ABCA12: variants seen among roughly 807,000 people sequenced by gnomAD.
ABCA12 encodes glucosylceramide transporter ABCA12.
Under a neutral mutation model 293.5 loss-of-function variants are expected in ABCA12, and 156 were observed. The observed-to-expected ratio is 0.53, with a 90% CI of 0.47 to 0.61. The LOEUF (loss-of-function observed/expected upper bound fraction) is 0.61, where lower values mean the gene tolerates loss of function less well. ABCA12 is among the 20% of genes least tolerant of loss of function. The pLI is 0.00. For synonymous variants in ABCA12, 1,063 were observed against 1,108.0 expected (o/e 0.96, Z 0.81); for missense variants, 2,797 against 3,090.2 (o/e 0.91, Z 2.25).
At chr2:214,959,406 A>G (rs1174294840) in intron 39 of ABCA12, among the ~76,000 whole-genome samples, 1 of 151,948 alleles carries the variant, frequency 6.6e-6, no homozygotes, top group African/African-American at 2.4e-5. Context: ...ATCTGGTCAT[A>G]TATATGTTTG....
intron 33 of ABCA12, 136 bp downstream of exon 33, chr2:214,978,180 C>T: frequency 9.9e-7 from 1 of 1,011,630 alleles, no homozygotes; most frequent in Non-Finnish European, 1.5e-6. Flanking sequence ...AAAAAGGAGG[C>T]TTAAATTTCC....
chr2:214,947,744 A>C (rs1698627859), intron 47 of ABCA12, 188 bp from the exon 48 acceptor site: 2 of 671,894 alleles, frequency 3.0e-6, no homozygotes, highest in Non-Finnish European at 4.9e-6. Context: ...TTAATAGTTT[A>C]TTTAAAGAGA....
chr2:214,996,880 C>T (rs1700046413), intron 23 of ABCA12, among the ~76,000 whole-genome samples: 1 of 152,048 alleles, frequency 6.6e-6, no homozygotes, highest in Non-Finnish European at 1.5e-5. Flanking sequence ...TTCAGCCAGG[C>T]CTTGCAATAA....
At position 214,970,415 on chromosome 2, in the gene ABCA12, T is replaced by C. The variant is rs201736002; in HGVS notation, c.5563-15A>G. 12 of 1,612,760 alleles carry C rather than the reference T, an allele frequency of 7.4e-6. No homozygotes were observed. The highest frequency in any genetic ancestry group is 2.2e-5 in the East Asian group (1 of 44,754). On this transcript the variant is annotated splice_polypyrimidine_tract_variant and intron_variant, in intron 36 of 52. Coordinates refer to ENST00000272895, the MANE Select transcript of ABCA12 (RefSeq NM_173076.3). ...TTAGGACATTCCTGGAAAATAAAGT[T>C]AAAAATGAATTTTTTTCTGGCCAAT... is the stretch of plus-strand genomic sequence containing the variant.
chr2:214,955,090 C>A, intron 43 of ABCA12, 112 bp downstream of exon 43: 1 of 1,371,528 alleles, frequency 7.3e-7, no homozygotes, highest in Non-Finnish European at 1.0e-6. Context: ...TCTCCTCTCC[C>A]AAATTTAATA....
intron 50 of ABCA12, among the ~76,000 whole-genome samples, chr2:214,942,135 G>T (rs1372867152): frequency 6.6e-6 from 1 of 152,112 alleles, no homozygotes; most frequent in Non-Finnish European, 1.5e-5. Context: ...GGTCATTGGA[G>T]ATTTGGTGTC....
At chr2:215,101,051 G>A (rs1356711590) in intron 2 of ABCA12, among the ~76,000 whole-genome samples, 1 of 152,080 alleles carries the variant, frequency 6.6e-6, no homozygotes, top group Non-Finnish European at 1.5e-5. Context: ...TCCTAAAAAC[G>A]TGTCTTCAAT....
In ABCA12 at chr2:214,932,612, GA is replaced by G; in HGVS notation, c.*21del. The G allele has an allele frequency of 4.5e-6, 7 of 1,554,668 alleles. No homozygotes were observed. Among genetic ancestry groups the G allele is most frequent in the Non-Finnish European group, 6.2e-6 (7 of 1,126,354 alleles). On this transcript the variant is annotated 3_prime_UTR_variant, in exon 53 of 53. Coordinates refer to ENST00000272895, the MANE Select transcript of ABCA12 (RefSeq NM_173076.3). The stretch of plus-strand genomic sequence containing the variant: ...AAAATGAAGCCATTGGTCACACGCT[GA>G]GATTGAGTTTGCTGGAAGTGTTAAG...
intron 49 of ABCA12, among the ~76,000 whole-genome samples, chr2:214,943,663 A>G (rs1307096387): frequency 6.6e-6 from 1 of 152,140 alleles, no homozygotes; most frequent in Non-Finnish European, 1.5e-5. Flanking sequence ...TGTTTCCAAA[A>G]TAACACTAAG....
intron 2 of ABCA12, among the ~76,000 whole-genome samples, chr2:215,078,812 C>T (rs1046423062): frequency 2.0e-5 from 3 of 152,108 alleles, no homozygotes; most frequent in Non-Finnish European, 4.4e-5. Flanking sequence ...GGCCATTATA[C>T]CTAAGAATTA....
intron 6 of ABCA12, among the ~76,000 whole-genome samples, chr2:215,047,396 C>T (rs145158982): frequency 1.3e-3 from 196 of 152,264 alleles, no homozygotes; most frequent in African/African-American, 4.6e-3. Flanking sequence ...TGCAGGGCTA[C>T]AGTAACCAAA....
intron 1 of ABCA12, among the ~76,000 whole-genome samples, chr2:215,125,546 T>A (rs1025238508): frequency 5.9e-5 from 9 of 152,012 alleles, no homozygotes; most frequent in African/African-American, 2.2e-4. Context: ...AAGTATTTTA[T>A]TTTTTTACAA....
rs1553526740 is a variant in ABCA12, at chr2:214,989,187, C to CATACAT, written c.3829+141_3829+142insATGTAT. 176 of 28,164 alleles carry CATACAT rather than the reference C, an allele frequency of 6.2e-3. 10 individuals carry two copies. Among genetic ancestry groups the CATACAT allele is most frequent in the Non-Finnish European group, 0.016 (143 of 8,718 alleles). 1.7% of individuals were successfully genotyped at this position (28,164 alleles called of 1,614,324 possible). A position where few individuals can be genotyped will look rare whatever the true frequency, so the allele number is the denominator to read the frequency against. ...GAGGGAGACTCCATCTCAATACATA[C>CATACAT]ATATATATATATATATATATATAAT... On this transcript the variant is annotated intron_variant, in intron 26 of 52. Coordinates refer to ENST00000272895, the MANE Select transcript of ABCA12 (RefSeq NM_173076.3).
At chr2:214,935,461 T>G (rs1416074013) in intron 51 of ABCA12, among the ~76,000 whole-genome samples, 2 of 152,150 alleles carry the variant, frequency 1.3e-5, no homozygotes, top group Non-Finnish European at 2.9e-5. Context: ...ACTTTTAAAT[T>G]TGATTTAAAT....
intron 2 of ABCA12, among the ~76,000 whole-genome samples, chr2:215,090,823 C>T (rs139682869): frequency 5.9e-5 from 9 of 152,172 alleles, no homozygotes; most frequent in East Asian, 3.9e-4. Flanking sequence ...GGCAATCTTC[C>T]GCCCACCATT....
At chr2:215,118,602 CAGT>C (rs1365545743) in intron 1 of ABCA12, among the ~76,000 whole-genome samples, 1 of 151,658 alleles carries the variant, frequency 6.6e-6, no homozygotes, top group East Asian at 1.9e-4. Flanking sequence ...ATATATAAAA[CAGT>C]AATCATTTAT....
chr2:215,001,313 T>G (rs1373278257), intron 21 of ABCA12, among the ~76,000 whole-genome samples: 1 of 152,204 alleles, frequency 6.6e-6, no homozygotes, highest in Admixed American at 6.5e-5. Context: ...ATTATGAGGA[T>G]GGACTCAACT....
At chr2:215,116,853 G>A (rs1575055077) in intron 1 of ABCA12, among the ~76,000 whole-genome samples, 1 of 152,142 alleles carries the variant, frequency 6.6e-6, no homozygotes, top group East Asian at 1.9e-4. Context: ...TGGTCATGAA[G>A]GTTCAAAAGC....
At chr2:215,017,855 C>A in intron 14 of ABCA12, 153 bp downstream of exon 14, 1 of 1,038,806 alleles carries the variant, frequency 9.6e-7, no homozygotes, top group Non-Finnish European at 1.4e-6. Context: ...TTTCTTCTAT[C>A]TTTAATGAGG....
Sources: allele counts gnomAD v4.1 joint callset (sites outside exome capture counted in the v4.1 genomes callset), GRCh38; gene constraint gnomAD v4.1.1; transcripts MANE v1.5; gene names NCBI Gene and HGNC (gene_info 2026-07-23, HGNC 2026-07-21).